The following LAMA5 variants were observed in gnomAD, a reference collection of about 807,000 sequenced individuals.
LAMA5 encodes the protein laminin subunit alpha 5, also known as laminin subunit alpha-5.
Under a neutral mutation model 433.4 loss-of-function variants are expected in LAMA5, and 260 were observed. The ratio of observed to expected loss-of-function variants is 0.60; its 90% confidence interval spans 0.54 to 0.66. The LOEUF (loss-of-function observed/expected upper bound fraction) is 0.66. Ranked by LOEUF, LAMA5 falls within the 30% of genes least tolerant of loss-of-function variation. The pLI, the probability that LAMA5 is intolerant of heterozygous loss-of-function variation, is 0.00. For missense variants in LAMA5, 5,378 were observed against 5,258.5 expected, an observed-to-expected ratio of 1.02 and a Z score of -0.70; for synonymous variants, 2,620 against 2,226.6, an observed-to-expected ratio of 1.18 and a Z score of -4.97.
In LAMA5 at chr20:62,315,123, T is replaced by G. The variant is rs1190984458; in HGVS notation, c.7952A>C (p.Gln2651Pro). 3 of 1,609,278 alleles carry G rather than the reference T, an allele frequency of 1.9e-6. No homozygotes were observed. The highest frequency in any genetic ancestry group is 4.5e-5 in the East Asian group (2 of 44,890). Residue 2651 changes from glutamine (Q) to proline (P), a missense_variant, in exon 59 of 80, where the codon CAG becomes CCG. Physicochemically the swap from Gln to Pro is moderately conservative, Grantham distance 76. Transcript: ENST00000252999. ...DTATRVQSQL[Q>P]AMQENVERWQ... The stretch of plus-strand genomic sequence containing the variant: ...CCGCTCCACATTCTCCTGCATGGCC[T>G]GCAGCTGGGACTGCACACGGGTGGC...
chr20:62,321,978 TA>T, intron 48 of LAMA5, 40 bp downstream of exon 48: 1 of 1,578,114 alleles, frequency 6.3e-7, no homozygotes, highest in Non-Finnish European at 8.6e-7. Flanking sequence ...CTTGGATTCC[TA>T]CTCCATCAGG....
In LAMA5 at chr20:62,313,452, G is replaced by A. The variant is rs1304170971; in HGVS notation, c.8667C>T (p.Pro2889=). Residue 2889 remains proline (P), a synonymous_variant, in exon 64 of 80, where the codon CCC becomes CCT. Transcript: ENST00000252999. ...CCCGGTAGCCGGGGAAGCGAAGCAG[G>A]GGAGGGGGCTGTGGGCACAGGGCTG... ...GGYPSTFTPP[P]LLRFPGYRGC... is the part of the protein sequence containing the mutation. The A allele has an allele frequency of 3.1e-6, 5 of 1,606,956 alleles. No individual in the cohort carries two copies. Among genetic ancestry groups the A allele is most frequent in the Non-Finnish European group, 4.2e-6 (5 of 1,177,338 alleles).
intron 1 of LAMA5, among the ~76,000 whole-genome samples, chr20:62,365,948 C>T (rs943646053): frequency 6.6e-6 from 1 of 152,166 alleles, no homozygotes; most frequent in Admixed American, 6.5e-5. Context: ...CCATTCATCC[C>T]CATAACGTCT....
chr20:62,309,776 C>T lies in LAMA5; in HGVS notation c.10888G>A (p.Gly3630Ser), dbSNP rs1182718582. ...EVDAQSNHTVGPLLAAAAGAP... is the reference protein window; with the variant it reads ...EVDAQSNHTVSPLLAAAAGAP... ...CCAGCTGCAGCCGCCAGCAAGGGGCCCACGGTGTGGTTGCTCTGCGCGTCC... is the reference window on the plus strand; with the variant it reads ...CCAGCTGCAGCCGCCAGCAAGGGGCTCACGGTGTGGTTGCTCTGCGCGTCC... Residue 3630 changes from glycine to serine, a missense_variant, in exon 79 of 80, where the codon GGC becomes AGC. Coordinates refer to ENST00000252999, the MANE Select transcript of LAMA5 (RefSeq NM_005560.6). 4 of 1,607,426 alleles carry T rather than the reference C, an allele frequency of 2.5e-6. No homozygotes were observed. The highest frequency in any genetic ancestry group is 3.4e-6 in the Non-Finnish European group (4 of 1,178,442).
At position 62,322,744 on chromosome 20, in the gene LAMA5, G is replaced by C. The variant is rs767350618; in HGVS notation, c.6079C>G (p.Pro2027Ala). 5.8e-5 allele frequency: 88 copies of C among 1,513,330 alleles called. No individual in the cohort carries two copies. In the African/African-American group the frequency reaches 9.4e-4, roughly 16 times the overall value. 93.7% of individuals were successfully genotyped at this position (1,513,330 alleles called of 1,614,324 possible). The change falls in exon 46 of 80, where the codon CCA (proline) becomes GCA (alanine). Residue 2027 changes from proline (P) to alanine (A), a missense_variant. Pro to Ala is a conservative substitution (Grantham distance 27, BLOSUM62 -1). Transcript: ENST00000252999. ...PGNCTRCDCT[P>A]CGTEACDPHS... ...GGGTCGCAGGCCTCTGTCCCACATG[G>C]GGTACAGTCGCACCCTGCAGAAGGG... is the stretch of plus-strand genomic sequence containing the variant.
In LAMA5 at chr20:62,339,865, G is replaced by A. The variant is rs567467221; in HGVS notation, c.1478-1257C>T. ...AGAACTGACAGAGGCAAGGACGATC[G>A]TGGGGCTGCGCTGTCTCCTTCATGA... On this transcript the variant is annotated intron_variant, in intron 11 of 79. Transcript: ENST00000252999. Among the ~76,000 whole-genome samples, 6 of 152,350 alleles carry A rather than the reference G, an allele frequency of 3.9e-5. No individual in the cohort carries two copies. In the South Asian group the frequency reaches 1.0e-3, roughly 26 times the overall value.
At chr20:62,320,939 G>T in intron 48 of LAMA5, 49 bp from the exon 49 acceptor site, 1 of 1,566,032 alleles carries the variant, frequency 6.4e-7, no homozygotes, top group Non-Finnish European at 8.7e-7. Flanking sequence ...TCAGGCCAGG[G>T]GAGAATGATC....
In LAMA5 at chr20:62,313,020, C is replaced by CAGGGCAGGGTTAGTGT; in HGVS notation, c.8956-26_8956-11dup. The CAGGGCAGGGTTAGTGT allele has an allele frequency of 6.3e-7, 1 of 1,584,832 alleles. No homozygotes were observed. The highest frequency in any genetic ancestry group is 2.2e-5 in the East Asian group (1 of 44,486). On this transcript the variant is annotated splice_polypyrimidine_tract_variant and intron_variant, in intron 65 of 79. Transcript: ENST00000252999. Reference sequence around the variant, plus strand: ...AGCACAGGAACTGGCTCTGCAGAAACAGGGCAGGGTTAGTGTGGGGCAGGG... The same window carrying CAGGGCAGGGTTAGTGT: ...AGCACAGGAACTGGCTCTGCAGAAACAGGGCAGGGTTAGTGTAGGGCAGGGTTAGTGTGGGGCAGGG...
rs1406805390 is a variant in LAMA5, at chr20:62,320,839, G to A, written c.6548C>T (p.Ala2183Val). 11 of 1,612,370 alleles carry A rather than the reference G, an allele frequency of 6.8e-6. No individual in the cohort carries two copies. The highest frequency in any genetic ancestry group is 3.3e-4 in the Middle Eastern group (2 of 6,070). The change falls in exon 49 of 80, where the codon GCC becomes GTC. Residue 2183 changes from alanine (A) to valine (V), a missense_variant. Transcript: ENST00000252999. Reference protein sequence around the residue: ...LLLDDLERAGALLPAIHEQLR... With the variant: ...LLLDDLERAGVLLPAIHEQLR... ...TTGCTCGTGAATGGCGGGGAGGAGG[G>A]CGCCGGCCCGTTCCAGGTCATCCAG...
At chr20:62,343,032 G>GATT (rs1395381737) in intron 11 of LAMA5, among the ~76,000 whole-genome samples, 2 of 152,182 alleles carry the variant, frequency 1.3e-5, no homozygotes, top group African/African-American at 4.8e-5. Flanking sequence ...TTACACCAGG[G>GATT]ATTAGCAAAC....
chr20:62,337,857 C>A lies in LAMA5; in HGVS notation c.1973G>T (p.Gly658Val). The change falls in exon 15 of 80, where the codon GGC becomes GTC. Residue 658 changes from glycine to valine, a missense_variant. Physicochemically the swap from Gly to Val is moderately radical, Grantham distance 109. Coordinates refer to ENST00000252999, the MANE Select transcript of LAMA5 (RefSeq NM_005560.6). ...GLCRCRPGYT[G>V]TACQECSPGF... is the part of the protein sequence containing the mutation. ...GGGGCTGCATTCCTGGCAGGCAGTGCCTGTGTAGCCGGGGCGGCAGCGGCA... is the reference window on the plus strand; with the variant it reads ...GGGGCTGCATTCCTGGCAGGCAGTGACTGTGTAGCCGGGGCGGCAGCGGCA... 1 of 1,612,728 alleles carries A rather than the reference C, an allele frequency of 6.2e-7. No individual in the cohort carries two copies. Among genetic ancestry groups the A allele is most frequent in the Non-Finnish European group, 8.5e-7 (1 of 1,179,938 alleles).
Position 62,335,155 on chromosome 20 carries a change from G to C in LAMA5, c.2377-29C>G, listed in dbSNP as rs1394476039. ...GGGGCCAAGGGAGGAGGTGAAGTGG[G>C]GCAGGGGAGGGTCCTGACCAGTGTG... is the stretch of plus-strand genomic sequence containing the variant. On this transcript the variant is annotated intron_variant, in intron 19 of 79. Coordinates refer to ENST00000252999, the MANE Select transcript of LAMA5 (RefSeq NM_005560.6). 6.2e-6 allele frequency: 10 copies of C among 1,612,536 alleles called. No individual in the cohort carries two copies. The South Asian group carries it at 9.9e-5, about 16-fold the overall frequency.
At chr20:62,316,345 C>G (rs1010700081) in intron 57 of LAMA5, 3 of 552,170 alleles carry the variant, frequency 5.4e-6, no homozygotes, top group South Asian at 2.3e-5. Context: ...CAGCTCACAC[C>G]TTTCTCATTG....
At position 62,325,330 on chromosome 20, in the gene LAMA5, C is replaced by A; in HGVS notation, c.5515G>T (p.Gly1839Trp). ...ELCLCPASYR[G>W]DSCQECAPGF... ...CCTAACCTCACCTGGCATGAGTCCC[C>A]CCGGTAGCTGGCGGGGCACAGGCAC... is the stretch of plus-strand genomic sequence containing the variant. The change falls in exon 41 of 80, where the codon GGG (glycine) becomes TGG (tryptophan). Residue 1839 changes from glycine (G) to tryptophan (W), a missense_variant. Physicochemically the swap from Gly to Trp is radical, Grantham distance 184. Coordinates refer to ENST00000252999, the MANE Select transcript of LAMA5 (RefSeq NM_005560.6). The A allele has an allele frequency of 6.3e-7, 1 of 1,589,432 alleles. No individual in the cohort carries two copies. The highest frequency in any genetic ancestry group is 8.6e-7 in the Non-Finnish European group (1 of 1,165,544).
In LAMA5 at chr20:62,317,476, G is replaced by A. The variant is rs781166166; in HGVS notation, c.7380C>T (p.Ser2460=). The A allele has an allele frequency of 7.1e-6, 11 of 1,556,568 alleles. No individual in the cohort carries two copies. Among genetic ancestry groups the A allele is most frequent in the South Asian group, 1.2e-5 (1 of 83,582 alleles). The part of the protein sequence containing the change: ...AKEELERLAA[S]LDGARTPLLQ... The stretch of plus-strand genomic sequence containing the variant: ...GCAGTGGGGTCCGAGCCCCATCCAG[G>A]CTGGCGGCGAGGCGCTCCAGCTCCT... The change falls in exon 55 of 80, where the codon AGC becomes AGT. Residue 2460 remains serine (S), a synonymous_variant. Coordinates refer to ENST00000252999, the MANE Select transcript of LAMA5 (RefSeq NM_005560.6).
chr20:62,364,487 T>C (rs937046318), intron 1 of LAMA5, among the ~76,000 whole-genome samples: 2 of 152,186 alleles, frequency 1.3e-5, no homozygotes, highest in Non-Finnish European at 2.9e-5. Flanking sequence ...TGGGAGGCAG[T>C]TCCAGTCCCC....
intron 31 of LAMA5, 119 bp from the exon 32 acceptor site, chr20:62,330,035 G>A: frequency 7.2e-7 from 1 of 1,395,108 alleles, no homozygotes; most frequent in South Asian, 1.4e-5. Context: ...ACGGCCACAG[G>A]CACGGGACGT....
At chr20:62,356,108 G>C (rs902504688) in intron 2 of LAMA5, 5 of 152,268 alleles carry the variant, frequency 3.3e-5, no homozygotes, top group Non-Finnish European at 7.3e-5. Context: ...GGGGGACACA[G>C]ACACTTCGCC....
Position 62,309,492 on chromosome 20 carries a change from G to T in LAMA5, c.10949-17C>A. 6.4e-7 allele frequency: 1 copy of T among 1,564,268 alleles called. No individual in the cohort carries two copies. The highest frequency in any genetic ancestry group is 8.6e-7 in the Non-Finnish European group (1 of 1,162,968). On this transcript the variant is annotated splice_polypyrimidine_tract_variant and intron_variant, in intron 79 of 79. Transcript: ENST00000252999. ...CCATGGGCTCTGGGGGCACAGGGAA[G>T]ATGGAAGAAGGCTGGTTGGTGGGCA...
Sources: gnomAD v4.1 joint callset for allele counts (sites outside exome capture counted in the v4.1 genomes callset) on GRCh38, gnomAD v4.1.1 for gene constraint, MANE v1.5 for transcripts, NCBI Gene and HGNC (gene_info 2026-07-23, HGNC 2026-07-21) for gene names.